DIS3L: variants seen among roughly 807,000 people sequenced by gnomAD.
DIS3L encodes the protein DIS3 like exosome 3'-5' exoribonuclease.
DIS3L carries 100 observed loss-of-function variants against 120.3 expected under a neutral mutation model. That is an observed-to-expected ratio of 0.83 (90% confidence interval 0.71 to 0.98). The LOEUF is 0.98. Among genes scored for constraint, DIS3L ranks in the 50% least tolerant of loss-of-function variants. DIS3L has a pLI of 0.00. For missense variants in DIS3L, 1,196 were observed against 1,314.2 expected (o/e 0.91, Z 1.39); for synonymous variants, 426 against 470.6 (o/e 0.91, Z 1.23).
Position 66,315,193 on chromosome 15 carries a change from C to G in DIS3L, c.972C>G (p.Ser324=). 6.2e-7 allele frequency: 1 copy of G among 1,612,948 alleles called. No individual in the cohort carries two copies. The highest frequency in any genetic ancestry group is 8.5e-7 in the Non-Finnish European group (1 of 1,179,270). ...GTGACGACAAGGCTTCGGGCGAGTC[C>G]CCAAGTGAGCCCATGCCTACAGGTG... ...NDCDDKASGE[S]PSEPMPTGRV... The change falls in exon 7 of 17, where the codon TCC becomes TCG. Residue 324 remains serine (S), a synonymous_variant. Coordinates refer to ENST00000319212, the MANE Select transcript of DIS3L (RefSeq NM_001143688.3).
intron 7 of DIS3L, among the ~76,000 whole-genome samples, chr15:66,316,300 TC>T (rs1439538189): frequency 7.0e-6 from 1 of 143,242 alleles, no homozygotes; most frequent in African/African-American, 2.5e-5. Flanking sequence ...CTTGGGGTTA[TC>T]CTTGACTTTT....
At position 66,332,791 on chromosome 15, in the gene DIS3L, T is replaced by C; in HGVS notation, c.2737T>C (p.Cys913Arg). 1 of 1,613,924 alleles carries C rather than the reference T, an allele frequency of 6.2e-7. No homozygotes were observed. The highest frequency in any genetic ancestry group is 8.5e-7 in the Non-Finnish European group (1 of 1,179,960). Reference protein sequence around the residue: ...LKNKDGLVISCGPDSCSEWKP... With the variant: ...LKNKDGLVISRGPDSCSEWKP... ...AAATAAAGATGGTTTAGTCATCTCA[T>C]GTGGCCCAGATAGCTGTTCTGAATG... The change falls in exon 16 of 17, where the codon TGT becomes CGT. Residue 913 changes from cysteine (C) to arginine (R), a missense_variant. Coordinates refer to ENST00000319212, the MANE Select transcript of DIS3L (RefSeq NM_001143688.3).
At chr15:66,308,679 GGA>G (rs751183168) in intron 3 of DIS3L, 28 bp from the exon 4 acceptor site, 1 of 1,594,282 alleles carries the variant, frequency 6.3e-7, no homozygotes, top group South Asian at 1.1e-5. Context: ...GTCTGCCTGG[GGA>G]GAGCTCATGT....
At chr15:66,328,949 G>A (rs1183302521) in intron 12 of DIS3L, 21 bp from the exon 13 acceptor site, 17 of 1,607,636 alleles carry the variant, frequency 1.1e-5, no homozygotes, top group South Asian at 5.6e-5. Context: ...ACTAGCTAAC[G>A]GTTTTTCTGT....
At chr15:66,317,540 T>C (rs2092832173) in intron 7 of DIS3L, among the ~76,000 whole-genome samples, 1 of 152,018 alleles carries the variant, frequency 6.6e-6, no homozygotes, top group Admixed American at 6.6e-5. Context: ...GGGCACGGTT[T>C]AAAACAAGAG....
chr15:66,314,170 A>C (rs2092793624), intron 6 of DIS3L, 53 bp downstream of exon 6: 1 of 1,355,576 alleles, frequency 7.4e-7, no homozygotes, highest in Non-Finnish European at 9.6e-7. Context: ...TTCTGACGTT[A>C]TACAATGAAG....
At chr15:66,311,564 T>G (rs2092761722) in intron 4 of DIS3L, among the ~76,000 whole-genome samples, 160 bp from the exon 5 acceptor site, 1 of 151,956 alleles carries the variant, frequency 6.6e-6, no homozygotes, top group South Asian at 2.1e-4. Context: ...AATGTGGTAG[T>G]AGAGAATGAA....
At chr15:66,319,222 G>A (rs1350440861) in intron 8 of DIS3L, among the ~76,000 whole-genome samples, 1 of 152,204 alleles carries the variant, frequency 6.6e-6, no homozygotes, top group Non-Finnish European at 1.5e-5. Flanking sequence ...ACAGGCATGA[G>A]CCACTGTGCC....
chr15:66,317,802 T>C (rs2092835204), intron 7 of DIS3L, among the ~76,000 whole-genome samples: 1 of 149,790 alleles, frequency 6.7e-6, no homozygotes, highest in Admixed American at 6.7e-5. Flanking sequence ...GAATAGCCAG[T>C]GCACTCTAGC....
intron 8 of DIS3L, 25 bp downstream of exon 8, chr15:66,318,643 TG>T (rs765853695): frequency 2.0e-5 from 33 of 1,610,218 alleles, no homozygotes; most frequent in Non-Finnish European, 2.6e-5. Context: ...ACCTCTACTA[TG>T]GGATCTCTAC....
intron 1 of DIS3L, 24 bp downstream of exon 1, chr15:66,293,759 G>A: frequency 8.5e-7 from 1 of 1,179,222 alleles, no homozygotes; most frequent in East Asian, 3.8e-5. Flanking sequence ...CGGGGGCGGG[G>A]ACGGGGCCGG....
chr15:66,306,544 G>T (rs1018897231), intron 2 of DIS3L, among the ~76,000 whole-genome samples: 7 of 152,156 alleles, frequency 4.6e-5, no homozygotes, highest in African/African-American at 1.7e-4. Context: ...TAATAAAATG[G>T]CTGGAAGTCT....
intron 11 of DIS3L, among the ~76,000 whole-genome samples, chr15:66,325,583 G>A (rs1337140498): frequency 6.6e-6 from 1 of 152,140 alleles, no homozygotes; most frequent in Non-Finnish European, 1.5e-5. Context: ...TTAAGTTACA[G>A]TTAGGTCAAA....
intron 15 of DIS3L, among the ~76,000 whole-genome samples, chr15:66,332,520 A>G (rs1030882261): frequency 2.5e-4 from 31 of 124,926 alleles, no homozygotes; most frequent in East Asian, 6.8e-4. Flanking sequence ...GTGTGTATAT[A>G]TATACACACA....
chr15:66,293,987 C>G (rs1300108319), intron 1 of DIS3L: 2 of 991,466 alleles, frequency 2.0e-6, no homozygotes, highest in Non-Finnish European at 2.4e-6. Flanking sequence ...CCCGACAGAC[C>G]CGCACCCCAT....
At chr15:66,303,569 T>C (rs1276168223) in intron 2 of DIS3L, among the ~76,000 whole-genome samples, 1 of 152,196 alleles carries the variant, frequency 6.6e-6, no homozygotes, top group Non-Finnish European at 1.5e-5. Context: ...TCAGATACTT[T>C]GTAATGGTGC....
In DIS3L at chr15:66,320,567, G is replaced by A; in HGVS notation, c.1165-4G>A. 6.2e-7 allele frequency: 1 copy of A among 1,608,078 alleles called. No homozygotes were observed. The highest frequency in any genetic ancestry group is 8.5e-7 in the Non-Finnish European group (1 of 1,177,794). On this transcript the variant is annotated splice_region_variant and splice_polypyrimidine_tract_variant and intron_variant, in intron 8 of 16. Transcript: ENST00000319212. ...GCTGTGTTTTATTTTTTCCTTTTGT[G>A]CAGGACTTCAGGGTGGTCGTGCGCA...
At chr15:66,332,953 T>C in intron 16 of DIS3L, 43 bp downstream of exon 16, 1 of 1,579,916 alleles carries the variant, frequency 6.3e-7, no homozygotes, top group Non-Finnish European at 8.6e-7. Flanking sequence ...ATTTTAAATG[T>C]AAGGAATAAA....
chr15:66,323,331 G>A (rs1289742461), intron 10 of DIS3L, among the ~76,000 whole-genome samples, 162 bp from the exon 11 acceptor site: 1 of 152,204 alleles, frequency 6.6e-6, no homozygotes, highest in African/African-American at 2.4e-5. Flanking sequence ...GTGGGACCAT[G>A]GGAATAGTTT....
Sources: gnomAD v4.1 joint callset for allele counts (sites outside exome capture counted in the v4.1 genomes callset) on GRCh38, gnomAD v4.1.1 for gene constraint, MANE v1.5 for transcripts, NCBI Gene and HGNC (gene_info 2026-07-23, HGNC 2026-07-21) for gene names.